The following DLG2 variants were observed in gnomAD, a reference collection of about 807,000 sequenced individuals.
DLG2 encodes discs large MAGUK scaffold protein 2, also known as disks large homolog 2.
DLG2 carries 45 observed loss-of-function variants against 132.5 expected under a neutral mutation model. The observed-to-expected ratio is 0.34, with a 90% confidence interval of 0.27 to 0.44. DLG2 has a LOEUF of 0.44. Among genes scored for constraint, DLG2 ranks in the 20% least tolerant of loss-of-function variants. The pLI is 1.00. For missense variants in DLG2, 1,045 were observed against 1,196.9 expected (o/e 0.87, Z 1.87); for synonymous variants, 424 against 419.6 (o/e 1.01, Z -0.13).
intron 6 of DLG2, among the ~76,000 whole-genome samples, chr11:84,866,216 C>G (rs535746866): frequency 3.9e-5 from 6 of 152,140 alleles, no homozygotes; most frequent in Non-Finnish European, 7.4e-5. Flanking sequence ...ACAACAGGAG[C>G]AGCATCAAAG....
At chr11:83,923,385 G>A (rs1454662599) in intron 15 of DLG2, among the ~76,000 whole-genome samples, 1 of 152,116 alleles carries the variant, frequency 6.6e-6, no homozygotes, top group Admixed American at 6.6e-5. Context: ...TCTGAGGGTG[G>A]TAACATGTTT....
intron 16 of DLG2, among the ~76,000 whole-genome samples, chr11:83,835,097 A>G (rs571606400): frequency 6.6e-5 from 10 of 152,232 alleles, no homozygotes; most frequent in Non-Finnish European, 1.3e-4. Context: ...AACTGTAAGT[A>G]ATAAATTATG....
At chr11:84,855,495 C>T (rs919631356) in intron 6 of DLG2, among the ~76,000 whole-genome samples, 3 of 152,012 alleles carry the variant, frequency 2.0e-5, no homozygotes, top group Admixed American at 1.3e-4. Flanking sequence ...CCTTATCTCT[C>T]TGGCACTCAA....
At chr11:83,592,830 C>G (rs1396251293) in intron 19 of DLG2, among the ~76,000 whole-genome samples, 84 of 148,684 alleles carry the variant, frequency 5.6e-4, no homozygotes, top group Admixed American at 5.0e-3. Context: ...AAAAGTGGGC[C>G]AAGGACATGA....
At chr11:84,432,751 G>C (rs933136483) in intron 7 of DLG2, among the ~76,000 whole-genome samples, 1 of 152,180 alleles carries the variant, frequency 6.6e-6, no homozygotes, top group African/African-American at 2.4e-5. Flanking sequence ...GGTGGGCCAG[G>C]CATGGGGGCT....
At chr11:85,355,856 T>C (rs1009988742) in intron 3 of DLG2, among the ~76,000 whole-genome samples, 1 of 152,166 alleles carries the variant, frequency 6.6e-6, no homozygotes, top group South Asian at 2.1e-4. Flanking sequence ...CCCTTGGGTT[T>C]CCTCTAAAAA....
At chr11:85,578,864 A>G (rs750298792) in intron 3 of DLG2, among the ~76,000 whole-genome samples, 2 of 152,252 alleles carry the variant, frequency 1.3e-5, no homozygotes, top group Non-Finnish European at 2.9e-5. Context: ...CATTTGACGT[A>G]GCAATCTCAT....
chr11:85,373,666 C>G (rs2085167398), intron 3 of DLG2, among the ~76,000 whole-genome samples: 1 of 152,152 alleles, frequency 6.6e-6, no homozygotes, highest in African/African-American at 2.4e-5. Flanking sequence ...AGGAAGCACT[C>G]TATCTAGCAA....
At chr11:83,731,773 A>G (rs957727761) in intron 18 of DLG2, among the ~76,000 whole-genome samples, 1 of 152,122 alleles carries the variant, frequency 6.6e-6, no homozygotes, top group African/African-American at 2.4e-5. Context: ...AAGCATTCCT[A>G]TTTCTCCACA....
chr11:84,852,025 C>G (rs895821676), intron 6 of DLG2, among the ~76,000 whole-genome samples: 1 of 151,772 alleles, frequency 6.6e-6, no homozygotes, highest in Non-Finnish European at 1.5e-5. Context: ...TTTAATGAAC[C>G]GATTTGACAG....
chr11:84,596,121 C>G (rs1248851038), intron 6 of DLG2, among the ~76,000 whole-genome samples: 1 of 152,124 alleles, frequency 6.6e-6, no homozygotes, highest in Non-Finnish European at 1.5e-5. Flanking sequence ...AGGCAACTTA[C>G]AAACTTCTCT....
chr11:83,905,322 A>ACCCATCC (rs2074449554), intron 15 of DLG2, among the ~76,000 whole-genome samples: 1 of 152,062 alleles, frequency 6.6e-6, no homozygotes, highest in Non-Finnish European at 1.5e-5. Context: ...CTCACTTTTG[A>ACCCATCC]TCTGATTCTT....
At chr11:84,584,567 T>G (rs1234885944) in intron 6 of DLG2, among the ~76,000 whole-genome samples, 1 of 151,490 alleles carries the variant, frequency 6.6e-6, no homozygotes, top group African/African-American at 2.4e-5. Context: ...TATGTTGCTA[T>G]GTTGTCCAGG....
intron 7 of DLG2, among the ~76,000 whole-genome samples, chr11:84,510,382 C>G (rs745543451): frequency 3.3e-5 from 5 of 152,020 alleles, no homozygotes; most frequent in Non-Finnish European, 7.4e-5. Context: ...AAACAATAAT[C>G]TTGCCCAATC....
At chr11:84,623,318 T>G (rs1297910348) in intron 6 of DLG2, among the ~76,000 whole-genome samples, 1 of 152,138 alleles carries the variant, frequency 6.6e-6, no homozygotes, top group Non-Finnish European at 1.5e-5. Context: ...GACACAAACT[T>G]GCTCCCTCCC....
chr11:85,373,527 A>G (rs2085155165), intron 3 of DLG2, among the ~76,000 whole-genome samples: 1 of 152,176 alleles, frequency 6.6e-6, no homozygotes, highest in Admixed American at 6.5e-5. Flanking sequence ...CAGATGGGAA[A>G]GAGTCCCTGG....
intron 6 of DLG2, among the ~76,000 whole-genome samples, chr11:85,050,421 G>C (rs1228881112): frequency 6.6e-6 from 1 of 152,002 alleles, no homozygotes; most frequent in Non-Finnish European, 1.5e-5. Context: ...GCTTTCCAAA[G>C]AAAGCATCAC....
chr11:84,749,587 T>C lies in DLG2; in HGVS notation c.358-214856A>G, dbSNP rs139131971. Among the ~76,000 whole-genome samples the C allele has an allele frequency of 5.7e-3, 868 of 152,264 alleles. 5 individuals carry two copies. The highest frequency in any genetic ancestry group is 0.02 in the South Asian group (95 of 4,826). ...GGTCATACCATGTAGCCTAGGTATA[T>C]TGCAGGCTACACCATCTAGGCTTGT... On this transcript the variant is annotated intron_variant, in intron 6 of 27. Coordinates refer to ENST00000376104, the MANE Select transcript of DLG2 (RefSeq NM_001142699.3).
At chr11:84,815,552 C>T (rs1345168475) in intron 6 of DLG2, among the ~76,000 whole-genome samples, 3 of 152,052 alleles carry the variant, frequency 2.0e-5, no homozygotes, top group African/African-American at 4.8e-5. Flanking sequence ...CTATATGAAT[C>T]GCTAGTTTAA....
Sources: gnomAD v4.1 joint callset for allele counts (sites outside exome capture counted in the v4.1 genomes callset) on GRCh38, gnomAD v4.1.1 for gene constraint, MANE v1.5 for transcripts, NCBI Gene and HGNC (gene_info 2026-07-23, HGNC 2026-07-21) for gene names.